Variants in NFIB observed in about 807,000 individuals in gnomAD.
NFIB encodes the protein nuclear factor 1 B-type.
In NFIB, 11 loss-of-function variants were observed where a neutral mutation model predicts 61.5. That is an observed-to-expected ratio of 0.18 (90% confidence interval 0.11 to 0.30). The LOEUF (loss-of-function observed/expected upper bound fraction) is 0.30, where lower values mean the gene tolerates loss of function less well. NFIB is among the 10% of genes least tolerant of loss of function. NFIB has a pLI of 1.00. For missense variants in NFIB, 471 were observed against 608.9 expected, an observed-to-expected ratio of 0.77 and a Z score of 2.38; for synonymous variants, 260 against 216.5, an observed-to-expected ratio of 1.20 and a Z score of -1.76.
At chr9:14,137,703 C>T (rs1001108649) in intron 6 of NFIB, among the ~76,000 whole-genome samples, 1 of 152,062 alleles carries the variant, frequency 6.6e-6, no homozygotes, top group African/African-American at 2.4e-5. Flanking sequence ...TAAAAGAAAA[C>T]ATATGTATGA....
chr9:14,482,568 C>A, the NFIB span, among the ~76,000 whole-genome samples: 1 of 152,246 alleles, frequency 6.6e-6, no homozygotes, highest in African/African-American at 2.4e-5. Flanking sequence ...AAGTGATACA[C>A]TGCATTCCTC....
chr9:14,332,538 C>T (rs563844626), intron 1 of NFIB, among the ~76,000 whole-genome samples: 1 of 152,134 alleles, frequency 6.6e-6, no homozygotes, highest in East Asian at 1.9e-4. Context: ...GGAGCACCTC[C>T]CCTGTGCCAC....
chr9:14,421,376 G>C, the NFIB span, among the ~76,000 whole-genome samples: 4 of 152,188 alleles, frequency 2.6e-5, no homozygotes, highest in Admixed American at 2.6e-4. Context: ...GAAAGTCTGA[G>C]GAGGGCTAAA....
chr9:14,435,493 G>C, the NFIB span, among the ~76,000 whole-genome samples: 1 of 152,174 alleles, frequency 6.6e-6, no homozygotes, highest in African/African-American at 2.4e-5. Context: ...CTATTAAGTG[G>C]AGATAAAAAT....
chr9:14,094,660 G>A (rs1191891586), intron 10 of NFIB, among the ~76,000 whole-genome samples: 1 of 152,064 alleles, frequency 6.6e-6, no homozygotes, highest in African/African-American at 2.4e-5. Context: ...AAGTACTCTT[G>A]TGGGCTCTCT....
At chr9:14,107,204 G>T (rs939207912) in intron 10 of NFIB, among the ~76,000 whole-genome samples, 1 of 151,816 alleles carries the variant, frequency 6.6e-6, no homozygotes, top group Non-Finnish European at 1.5e-5. Context: ...CCTACATGGA[G>T]CAAATTAAAT....
intron 5 of NFIB, 41 bp downstream of exon 5, chr9:14,150,104 T>A: frequency 6.2e-7 from 1 of 1,612,022 alleles, no homozygotes; most frequent in East Asian, 2.2e-5. Context: ...CGAACCTATG[T>A]GTGTATCACT....
intron 6 of NFIB, among the ~76,000 whole-genome samples, chr9:14,129,444 G>T (rs1270382140): frequency 6.6e-6 from 1 of 151,106 alleles, no homozygotes. Context: ...GACTAGAAGG[G>T]GAAATAAAAG....
intron 1 of NFIB, among the ~76,000 whole-genome samples, chr9:14,355,567 T>A (rs1025574605): frequency 2.0e-5 from 3 of 152,158 alleles, no homozygotes; most frequent in Non-Finnish European, 4.4e-5. Flanking sequence ...ATCTTTTGCT[T>A]TTTAAATATT....
At chr9:14,115,744 T>C (rs2038033237) in intron 9 of NFIB, among the ~76,000 whole-genome samples, 1 of 152,204 alleles carries the variant, frequency 6.6e-6, no homozygotes, top group Non-Finnish European at 1.5e-5. Context: ...TAACCTACAA[T>C]GATGTAAACA....
intron 2 of NFIB, among the ~76,000 whole-genome samples, chr9:14,251,673 A>C (rs1339989171): frequency 6.6e-6 from 1 of 152,220 alleles, no homozygotes; most frequent in Non-Finnish European, 1.5e-5. Flanking sequence ...CCGAGGGGCC[A>C]CTGGAGCCTC....
chr9:14,333,901 G>C (rs1332077180), intron 1 of NFIB, among the ~76,000 whole-genome samples: 1 of 152,156 alleles, frequency 6.6e-6, no homozygotes, highest in African/African-American at 2.4e-5. Flanking sequence ...GACAACCGCT[G>C]TACTGATTTC....
At chr9:14,121,422 C>T (rs1341100860) in intron 7 of NFIB, among the ~76,000 whole-genome samples, 1 of 152,162 alleles carries the variant, frequency 6.6e-6, no homozygotes, top group Non-Finnish European at 1.5e-5. Context: ...AAGTGAAATT[C>T]AATTTCAAAT....
chr9:14,326,421 A>G (rs1438701933), intron 1 of NFIB, among the ~76,000 whole-genome samples: 1 of 152,216 alleles, frequency 6.6e-6, no homozygotes, highest in Non-Finnish European at 1.5e-5. Context: ...CTAACCATTG[A>G]GAGTATGGGT....
intron 2 of NFIB, among the ~76,000 whole-genome samples, chr9:14,294,527 T>G (rs541135032): frequency 1.3e-5 from 2 of 152,214 alleles, no homozygotes; most frequent in South Asian, 4.1e-4. Context: ...GTTTCATGTA[T>G]ATGATTTTCG....
At chr9:14,240,095 G>C (rs1490140547) in intron 2 of NFIB, among the ~76,000 whole-genome samples, 1 of 152,028 alleles carries the variant, frequency 6.6e-6, no homozygotes, top group Non-Finnish European at 1.5e-5. Flanking sequence ...ATAATACACT[G>C]GTCAAGTTCC....
chr9:14,137,224 G>C (rs1252251911), intron 6 of NFIB, among the ~76,000 whole-genome samples: 1 of 152,122 alleles, frequency 6.6e-6, no homozygotes, highest in Non-Finnish European at 1.5e-5. Flanking sequence ...TCCATAACAA[G>C]GTTCTGTTAT....
At chr9:14,122,622 G>T (rs1314445517) in intron 7 of NFIB, among the ~76,000 whole-genome samples, 1 of 151,934 alleles carries the variant, frequency 6.6e-6, no homozygotes, top group Non-Finnish European at 1.5e-5. Flanking sequence ...AGAAAAACTG[G>T]GCATCTTTTA....
At chr9:14,453,236 G>T in the NFIB span, among the ~76,000 whole-genome samples, 1 of 152,196 alleles carries the variant, frequency 6.6e-6, no homozygotes, top group East Asian at 1.9e-4. Flanking sequence ...GATCCAGTGT[G>T]TGTAATGTAT....
Sources: gnomAD v4.1 joint callset for allele counts (sites outside exome capture counted in the v4.1 genomes callset) on GRCh38, gnomAD v4.1.1 for gene constraint, MANE v1.5 for transcripts, NCBI Gene and HGNC (gene_info 2026-07-23, HGNC 2026-07-21) for gene names.